ATP2B3: variants seen among roughly 807,000 people sequenced by gnomAD.
ATP2B3 encodes plasma membrane calcium-transporting ATPase 3.
A neutral mutation model predicts 70.8 loss-of-function variants in ATP2B3; 12 were observed. The ratio of observed to expected loss-of-function variants is 0.17; its 90% confidence interval spans 0.11 to 0.27. The LOEUF (loss-of-function observed/expected upper bound fraction) is 0.27. ATP2B3 is among the 10% of genes least tolerant of loss of function. The probability of loss-of-function intolerance (pLI) is 1.00; values close to 1 mark genes in which losing one functional copy is unlikely to be tolerated. For missense variants in ATP2B3, 858 were observed against 1,118.5 expected (o/e 0.77, Z 3.32); for synonymous variants, 460 against 497.8 (o/e 0.92, Z 1.01).
chrX:153,548,561 A>C, intron 9 of ATP2B3, 79 bp from the exon 10 acceptor site: 1 of 916,958 alleles, frequency 1.1e-6, no homozygotes, highest in Non-Finnish European at 1.6e-6. Flanking sequence ...CCGTGTCCAT[A>C]CCTCTTCTTC....
intron 21 of ATP2B3, among the ~76,000 whole-genome samples, chrX:153,570,955 G>A (rs1269625448): frequency 3.7e-5 from 4 of 107,830 alleles, no homozygotes; most frequent in African/African-American, 1.4e-4. Flanking sequence ...CTTTAAGGAA[G>A]GGAGGAGGCC....
chrX:153,558,701 C>G (rs2090579508), intron 17 of ATP2B3, among the ~76,000 whole-genome samples: 1 of 112,282 alleles, frequency 8.9e-6, no homozygotes, highest in African/African-American at 3.2e-5. Context: ...TGTCTGGCAT[C>G]TCGCTTAGCA....
At position 153,533,472 on chromosome X, in the gene ATP2B3, A is replaced by G. The variant is rs186971782; in HGVS notation, c.-126-2650A>G. Among the ~76,000 whole-genome samples the G allele has an allele frequency of 7.1e-3, 790 of 110,954 alleles. 1 individual carries two copies. The highest frequency in any genetic ancestry group is 0.024 in the African/African-American group (732 of 30,483). Reference sequence around the variant, plus strand: ...GGAGTGGGGCTGGGAAGTGCTCAGAAGGAATCTGGCCTTTTGCTTGATGGG... The same window carrying G: ...GGAGTGGGGCTGGGAAGTGCTCAGAGGGAATCTGGCCTTTTGCTTGATGGG... On this transcript the variant is annotated intron_variant, in intron 2 of 21. Transcript: ENST00000263519.
In ATP2B3 at chrX:153,565,123, C is replaced by T. The variant is rs202229258; in HGVS notation, c.3342+20C>T. ...ACGCAGGTAAGCCCCGACTCGCTCT[C>T]GCCCTGGCACTTCCACCCCAAGAGG... On this transcript the variant is annotated intron_variant, in intron 21 of 21. Transcript: ENST00000263519. 21 of 1,157,281 alleles carry T rather than the reference C, an allele frequency of 1.8e-5. No homozygotes were observed. The highest frequency in any genetic ancestry group is 5.4e-5 in the Admixed American group (2 of 37,235).
chrX:153,537,468 C>G (rs781827445), intron 3 of ATP2B3, among the ~76,000 whole-genome samples: 13 of 113,649 alleles, frequency 1.1e-4, no homozygotes, highest in Non-Finnish European at 2.2e-4. Context: ...AGAGACTGTT[C>G]TCTTGTGGCT....
intron 21 of ATP2B3, among the ~76,000 whole-genome samples, chrX:153,579,620 C>T (rs1279178641): frequency 8.9e-6 from 1 of 112,209 alleles, no homozygotes; most frequent in Non-Finnish European, 1.9e-5. Context: ...GGGTCACAGC[C>T]AAGAGCCTAG....
chrX:153,541,892 G>A lies in ATP2B3; in HGVS notation c.630G>A (p.Ala210=), dbSNP rs147526826. The A allele has an allele frequency of 3.6e-4, 430 of 1,209,592 alleles. 1 individual carries two copies. In the African/African-American group the frequency reaches 6.4e-3, roughly 18 times the overall value. ...NGQLLQVPVA[A]LVVGDIAQVK... is the part of the protein sequence containing the mutation. ...AGCTCCTCCAGGTCCCCGTGGCTGC[G>A]CTGGTGGTGGGGGACATTGCCCAGG... The change falls in exon 5 of 22, where the codon GCG becomes GCA. Residue 210 remains alanine (A), a synonymous_variant. Coordinates refer to ENST00000263519, the MANE Select transcript of ATP2B3 (RefSeq NM_001001344.3).
chrX:153,565,404 G>A lies in ATP2B3; in HGVS notation c.3342+301G>A, dbSNP rs781785074. 2.0e-4 allele frequency among the ~76,000 whole-genome samples: 23 copies of A among 113,159 alleles called. No individual in the cohort carries two copies. In the South Asian group the frequency reaches 2.2e-3, roughly 11 times the overall value. ...TCTCTCAGAGGCACAGGCCAGCACC[G>A]TCCTCATCACTGCTGGGGCTCCCTT... On this transcript the variant is annotated intron_variant, in intron 21 of 21. Coordinates refer to ENST00000263519, the MANE Select transcript of ATP2B3 (RefSeq NM_001001344.3).
intron 2 of ATP2B3, among the ~76,000 whole-genome samples, chrX:153,525,106 C>A (rs910288079): frequency 1.8e-5 from 2 of 112,128 alleles, no homozygotes; most frequent in Non-Finnish European, 3.8e-5. Context: ...CTGAGAAACA[C>A]GAAAACAAAG....
At chrX:153,519,694 G>A (rs2089928406) in intron 2 of ATP2B3, among the ~76,000 whole-genome samples, 1 of 112,898 alleles carries the variant, frequency 8.9e-6, no homozygotes, top group African/African-American at 3.2e-5. Flanking sequence ...AGGCCCCGAG[G>A]CGGGGGACAG....
Position 153,559,859 on chromosome X carries a change from C to G in ATP2B3, c.2756C>G (p.Pro919Arg). The G allele has an allele frequency of 8.2e-7, 1 of 1,212,162 alleles. No homozygotes were observed. Among genetic ancestry groups the G allele is most frequent in the Admixed American group, 2.2e-5 (1 of 46,107 alleles). Residue 919 changes from proline (P) to arginine (R), a missense_variant, in exon 18 of 22, where the codon CCC becomes CGC. Around this residue, in one of 5 missense-constraint regions of ATP2B3, gnomAD observed 265 missense variants for 305.3 expected, o/e 0.87. Coordinates refer to ENST00000263519, the MANE Select transcript of ATP2B3 (RefSeq NM_001001344.3). Reference protein sequence around the residue: ...LLRKPYGRDKPLISRTMMKNI... With the variant: ...LLRKPYGRDKRLISRTMMKNI... Reference sequence around the variant, plus strand: ...CGGAAGCCGTACGGCCGCGACAAGCCCCTCATCTCCCGCACCATGATGAAG... The same window carrying G: ...CGGAAGCCGTACGGCCGCGACAAGCGCCTCATCTCCCGCACCATGATGAAG...
In ATP2B3 at chrX:153,555,474, C is replaced by T. The variant is rs782714263; in HGVS notation, c.2059-575C>T. ...TGAACCTGGCTCCTCTTCTCCTCTC[C>T]CCCTGCCCGTCTACCTCAGTGGCAT... On this transcript the variant is annotated intron_variant, in intron 13 of 21. Coordinates refer to ENST00000263519, the MANE Select transcript of ATP2B3 (RefSeq NM_001001344.3). Among the ~76,000 whole-genome samples, 12 of 111,750 alleles carry T rather than the reference C, an allele frequency of 1.1e-4. No homozygotes were observed. The East Asian group carries it at 3.1e-3, about 29-fold the overall frequency.
intron 2 of ATP2B3, among the ~76,000 whole-genome samples, chrX:153,534,999 G>A (rs782467590): frequency 8.9e-6 from 1 of 112,658 alleles, no homozygotes; most frequent in Non-Finnish European, 1.9e-5. Flanking sequence ...GGGCCCTGCT[G>A]AGCTGCCAGG....
intron 7 of ATP2B3, among the ~76,000 whole-genome samples, chrX:153,545,743 A>C (rs2090355672): frequency 8.9e-6 from 1 of 112,043 alleles, no homozygotes; most frequent in Non-Finnish European, 1.9e-5. Context: ...GAACCCCTTG[A>C]GCTGGTTTGC....
At chrX:153,573,313 G>T in intron 21 of ATP2B3, among the ~76,000 whole-genome samples, 1 of 112,618 alleles carries the variant, frequency 8.9e-6, no homozygotes, top group East Asian at 2.8e-4. Context: ...GGCCCAGGGC[G>T]ACATGCTCAC....
rs1308421391 is a variant in ATP2B3, at chrX:153,569,645, G to A, written c.3342+4542G>A. Reference sequence around the variant, plus strand: ...CTTCAAGAGAAGCGGTTCAGTTCAGGGTGCTGTGCGCCGGCGGTCTTCGGT... The same window carrying A: ...CTTCAAGAGAAGCGGTTCAGTTCAGAGTGCTGTGCGCCGGCGGTCTTCGGT... On this transcript the variant is annotated intron_variant, in intron 21 of 21. Transcript: ENST00000263519. 21 of 1,209,480 alleles carry A rather than the reference G, an allele frequency of 1.7e-5. No homozygotes were observed. In the Admixed American group the frequency reaches 4.6e-4, roughly 26 times the overall value.
Position 153,536,394 on chromosome X carries a change from C to T in ATP2B3, c.147C>T (p.Ile49=). The change falls in exon 3 of 22, where the codon ATC becomes ATT. Residue 49 remains isoleucine, a synonymous_variant. Coordinates refer to ENST00000263519, the MANE Select transcript of ATP2B3 (RefSeq NM_001001344.3). ...GAGGGGCCGAGGCGCTGCAGAAGAT[C>T]GAGGAGGCCTACGGGGATGTCAGCG... The part of the protein sequence containing the change: ...ELRGAEALQK[I]EEAYGDVSGL... 8.3e-7 allele frequency: 1 copy of T among 1,205,608 alleles called. No individual in the cohort carries two copies. The highest frequency in any genetic ancestry group is 1.1e-6 in the Non-Finnish European group (1 of 893,177).
At position 153,565,032 on chromosome X, in the gene ATP2B3, G is replaced by A. The variant is rs782814925; in HGVS notation, c.3271G>A (p.Asp1091Asn). 12 of 1,200,460 alleles carry A rather than the reference G, an allele frequency of 1.0e-5. No individual in the cohort carries two copies. The highest frequency in any genetic ancestry group is 2.2e-5 in the Admixed American group (1 of 44,877). ...GCTGGCCGAAGGCGAGGAAGAGATC[G>A]ACCATGCCGAGCGGGAGCTCCGCAG... ...EELAEGEEEI[D>N]HAERELRRGQ... The change falls in exon 21 of 22, where the codon GAC becomes AAC. Residue 1091 changes from aspartate (D) to asparagine (N), a missense_variant. Around this residue, in one of 5 missense-constraint regions of ATP2B3, gnomAD observed 265 missense variants for 305.3 expected, o/e 0.87. Coordinates refer to ENST00000263519, the MANE Select transcript of ATP2B3 (RefSeq NM_001001344.3).
Position 153,559,871 on chromosome X carries a change from G to A in ATP2B3, c.2768G>A (p.Arg923His), listed in dbSNP as rs201753621. The change falls in exon 18 of 22, where the codon CGC becomes CAC. Residue 923 changes from arginine (R) to histidine (H), a missense_variant. This residue lies in a region of ATP2B3 where 265 missense variants were observed against 305.3 expected (regional missense o/e 0.87). Transcript: ENST00000263519. Reference sequence around the variant, plus strand: ...GGCCGCGACAAGCCCCTCATCTCCCGCACCATGATGAAGAACATTCTGGGC... The same window carrying A: ...GGCCGCGACAAGCCCCTCATCTCCCACACCATGATGAAGAACATTCTGGGC... ...PYGRDKPLIS[R>H]TMMKNILGHA... is the part of the protein sequence containing the mutation. 51 of 1,210,460 alleles carry A rather than the reference G, an allele frequency of 4.2e-5. No homozygotes were observed. The East Asian group carries it at 1.3e-3, about 30-fold the overall frequency.
Sources: allele counts gnomAD v4.1 joint callset (sites outside exome capture counted in the v4.1 genomes callset), GRCh38; gene constraint gnomAD v4.1.1; regional missense constraint gnomAD v4.1.1; transcripts MANE v1.5; gene names NCBI Gene and HGNC (gene_info 2026-07-23, HGNC 2026-07-21).